The following NBAS variants were observed in gnomAD, a reference collection of about 807,000 sequenced individuals.
NBAS encodes the protein NAG/BC035112 fusion.
In NBAS, 219 loss-of-function variants were observed where a neutral mutation model predicts 302.5. That is an observed-to-expected ratio of 0.72 (90% CI 0.65 to 0.81). NBAS has a LOEUF of 0.81. Among genes scored for constraint, NBAS ranks in the 30% least tolerant of loss-of-function variants. The probability of loss-of-function intolerance (pLI) is 0.00; values close to 1 mark genes in which losing one functional copy is unlikely to be tolerated. For missense variants in NBAS, 2,932 were observed against 2,841.6 expected (o/e 1.03, Z -0.72); for synonymous variants, 1,118 against 1,021.6 (o/e 1.09, Z -1.80).
intron 38 of NBAS, among the ~76,000 whole-genome samples, chr2:15,325,046 G>A (rs943373250): frequency 6.6e-6 from 1 of 152,148 alleles, no homozygotes; most frequent in Non-Finnish European, 1.5e-5. Context: ...TTAATACACT[G>A]AGAAATCAGT....
At chr2:15,273,011 T>C (rs1572566400) in intron 44 of NBAS, among the ~76,000 whole-genome samples, 1 of 152,328 alleles carries the variant, frequency 6.6e-6, no homozygotes, top group African/African-American at 2.4e-5. Flanking sequence ...AAATAAAAGA[T>C]TGCTGTTGCC....
rs189556724 is a variant in NBAS, at chr2:15,377,859, T to C, written c.3590+1743A>G. Among the ~76,000 whole-genome samples the C allele has an allele frequency of 4.4e-3, 675 of 152,308 alleles. 2 individuals carry two copies. Among genetic ancestry groups the C allele is most frequent in the Non-Finnish European group, 8.2e-3 (561 of 68,026 alleles). On this transcript the variant is annotated intron_variant, in intron 30 of 51. Coordinates refer to ENST00000281513, the MANE Select transcript of NBAS (RefSeq NM_015909.4). ...TCATTTTTGTAAAACTATATACAGGTATAACATGCAAAATAGTGGGCAAAC... is the reference window on the plus strand; with the variant it reads ...TCATTTTTGTAAAACTATATACAGGCATAACATGCAAAATAGTGGGCAAAC...
At chr2:15,057,710 A>ATT in the NBAS span, among the ~76,000 whole-genome samples, 57 of 152,330 alleles carry the variant, frequency 3.7e-4, no homozygotes, top group African/African-American at 1.3e-3. Flanking sequence ...CTTCACTTAG[A>ATT]ATAATAGTCT....
the NBAS span, among the ~76,000 whole-genome samples, chr2:14,785,143 T>G: frequency 2.6e-5 from 4 of 152,202 alleles, no homozygotes; most frequent in African/African-American, 9.6e-5. Context: ...TGTATAAGAA[T>G]GCTTGTGATT....
chr2:15,037,739 C>T, the NBAS span, among the ~76,000 whole-genome samples: 1 of 152,118 alleles, frequency 6.6e-6, no homozygotes, highest in African/African-American at 2.4e-5. Context: ...TTTCTTTCTA[C>T]ATTTTGTGTC....
At chr2:15,483,402 T>C (rs1680508590) in intron 12 of NBAS, 1 of 410,522 alleles carries the variant, frequency 2.4e-6, no homozygotes, top group Non-Finnish European at 5.0e-6. Flanking sequence ...AAAATGACAA[T>C]GAAGACATAA....
the NBAS span, among the ~76,000 whole-genome samples, chr2:15,134,163 G>A: frequency 1.8e-4 from 28 of 151,544 alleles, no homozygotes; most frequent in Admixed American, 5.3e-4. Context: ...AGAATAAGGA[G>A]GTGGGGCCTT....
the NBAS span, among the ~76,000 whole-genome samples, chr2:14,946,362 C>T: frequency 1.3e-5 from 2 of 151,932 alleles, no homozygotes; most frequent in Non-Finnish European, 2.9e-5. Context: ...TATAAAAGAC[C>T]TCCAATTTAG....
rs1037739889 is a variant in NBAS at position 15,411,811 on chromosome 2, T to C, written c.2937+3735A>G. Among the ~76,000 whole-genome samples the C allele has an allele frequency of 5.3e-5, 8 of 152,176 alleles. No homozygotes were observed. In the South Asian group the frequency reaches 8.3e-4, roughly 16 times the overall value. ...TAATCCATTATATCTGGATTGAGCATAGAAAATGCTAAGAAAAAATGCACA... is the reference window on the plus strand; with the variant it reads ...TAATCCATTATATCTGGATTGAGCACAGAAAATGCTAAGAAAAAATGCACA... On this transcript the variant is annotated intron_variant, in intron 25 of 51. Transcript: ENST00000281513.
chr2:14,947,903 T>C, the NBAS span, among the ~76,000 whole-genome samples: 1 of 152,130 alleles, frequency 6.6e-6, no homozygotes, highest in Non-Finnish European at 1.5e-5. Context: ...TTGGTTCTGT[T>C]AATGTGATGT....
intron 21 of NBAS, among the ~76,000 whole-genome samples, chr2:15,438,302 T>A (rs1678133786): frequency 6.6e-6 from 1 of 152,102 alleles, no homozygotes; most frequent in Non-Finnish European, 1.5e-5. Flanking sequence ...AAATCATATG[T>A]TATGGGAAAA....
chr2:15,555,974 T>C (rs1239514417), intron 3 of NBAS, among the ~76,000 whole-genome samples: 1 of 152,034 alleles, frequency 6.6e-6, no homozygotes, highest in Non-Finnish European at 1.5e-5. Context: ...CACACTCCTA[T>C]CCTCTCCTTC....
At chr2:15,401,959 C>T (rs541511468) in intron 26 of NBAS, among the ~76,000 whole-genome samples, 1 of 152,074 alleles carries the variant, frequency 6.6e-6, no homozygotes, top group South Asian at 2.1e-4. Flanking sequence ...ATTATAATTA[C>T]AGTTGAACAA....
At chr2:15,383,064 G>C in intron 29 of NBAS, 151 bp downstream of exon 29, 1 of 644,588 alleles carries the variant, frequency 1.6e-6, no homozygotes, top group Non-Finnish European at 2.7e-6. Flanking sequence ...AAGGAATAAA[G>C]TGCTCAACCT....
At chr2:15,132,068 T>C in the NBAS span, among the ~76,000 whole-genome samples, 533 of 152,342 alleles carry the variant, frequency 3.5e-3, 3 homozygotes, top group Non-Finnish European at 5.0e-3. Context: ...CTATATCATC[T>C]TCCTTGGTAT....
At chr2:15,455,223 G>C (rs1237054019) in intron 21 of NBAS, among the ~76,000 whole-genome samples, 1 of 152,034 alleles carries the variant, frequency 6.6e-6, no homozygotes, top group African/African-American at 2.4e-5. Flanking sequence ...TTTTTGTTAG[G>C]TTACTAAATA....
chr2:15,276,362 G>C (rs1158740433), intron 43 of NBAS, among the ~76,000 whole-genome samples: 2 of 152,100 alleles, frequency 1.3e-5, no homozygotes, highest in African/African-American at 4.8e-5. Flanking sequence ...TAAAAATTAA[G>C]AGGTCTTAAA....
chr2:15,130,327 A>G, the NBAS span, among the ~76,000 whole-genome samples: 1 of 152,084 alleles, frequency 6.6e-6, no homozygotes, highest in Non-Finnish European at 1.5e-5. Flanking sequence ...TGGGTCAAAC[A>G]TTGCTTTTTT....
At chr2:14,950,964 G>A in the NBAS span, among the ~76,000 whole-genome samples, 4 of 152,068 alleles carry the variant, frequency 2.6e-5, no homozygotes, top group African/African-American at 9.7e-5. Flanking sequence ...AGTCCCTGAG[G>A]GCTTGGGGAA....
Sources: allele counts gnomAD v4.1 joint callset (sites outside exome capture counted in the v4.1 genomes callset), GRCh38; gene constraint gnomAD v4.1.1; transcripts MANE v1.5; gene names NCBI Gene and HGNC (gene_info 2026-07-23, HGNC 2026-07-21).